SLC25A13: variants seen among roughly 807,000 people sequenced by gnomAD.
SLC25A13 encodes solute carrier family 25 member 13.
In SLC25A13, 70 loss-of-function variants were observed where a neutral mutation model predicts 85.5. That is an observed-to-expected ratio of 0.82 (90% CI 0.68 to 1.00). The LOEUF is 1.00. SLC25A13 is among the 50% of genes least tolerant of loss of function. The probability of loss-of-function intolerance (pLI) is 0.00; values close to 1 mark genes in which losing one functional copy is unlikely to be tolerated. For synonymous variants in SLC25A13, 259 were observed against 288.7 expected, an observed-to-expected ratio of 0.90 and a Z score of 1.04; for missense variants, 765 against 819.8, an observed-to-expected ratio of 0.93 and a Z score of 0.82.
chr7:96,257,840 A>G (rs1186308003), intron 3 of SLC25A13, among the ~76,000 whole-genome samples: 1 of 152,238 alleles, frequency 6.6e-6, no homozygotes, highest in African/African-American at 2.4e-5. Flanking sequence ...AACCAAATCC[A>G]GCTGCACATT....
At chr7:96,288,218 G>T (rs1015055365) in intron 2 of SLC25A13, among the ~76,000 whole-genome samples, 1 of 152,180 alleles carries the variant, frequency 6.6e-6, no homozygotes, top group African/African-American at 2.4e-5. Flanking sequence ...ATCACTTGAG[G>T]TCAGAAGTTC....
chr7:96,296,173 AATG>A (rs886144851), intron 2 of SLC25A13, among the ~76,000 whole-genome samples: 6 of 152,178 alleles, frequency 3.9e-5, no homozygotes, highest in African/African-American at 7.2e-5. Flanking sequence ...AAGTGATGAT[AATG>A]ATGATGACCA....
At chr7:96,177,189 G>A (rs767089548) in intron 11 of SLC25A13, among the ~76,000 whole-genome samples, 1 of 152,076 alleles carries the variant, frequency 6.6e-6, no homozygotes, top group African/African-American at 2.4e-5. Context: ...ATTAGCTAAG[G>A]AGTATCATGC....
At chr7:96,175,643 A>G (rs770907646) in intron 11 of SLC25A13, among the ~76,000 whole-genome samples, 2 of 152,202 alleles carry the variant, frequency 1.3e-5, no homozygotes, top group Admixed American at 1.3e-4. Flanking sequence ...ACGCTGCACA[A>G]CTTCTCTCCC....
chr7:96,218,164 AT>A (rs1362504480), intron 4 of SLC25A13, among the ~76,000 whole-genome samples: 4 of 152,164 alleles, frequency 2.6e-5, no homozygotes, highest in Non-Finnish European at 4.4e-5. Flanking sequence ...TACAAATACT[AT>A]TTTTTAAATG....
intron 1 of SLC25A13, among the ~76,000 whole-genome samples, chr7:96,317,173 G>A (rs1800160382): frequency 6.6e-6 from 1 of 151,940 alleles, no homozygotes; most frequent in South Asian, 2.1e-4. Flanking sequence ...GGCCAGACTG[G>A]CCAGGCTGGT....
chr7:96,125,185 C>A (rs892183475), intron 15 of SLC25A13, among the ~76,000 whole-genome samples: 3 of 152,082 alleles, frequency 2.0e-5, no homozygotes, highest in African/African-American at 7.2e-5. Context: ...GCCTCCCAGG[C>A]TCAAGTGATT....
At chr7:96,269,238 A>C (rs1037693762) in intron 3 of SLC25A13, among the ~76,000 whole-genome samples, 1 of 152,222 alleles carries the variant, frequency 6.6e-6, no homozygotes, top group Non-Finnish European at 1.5e-5. Flanking sequence ...TGGAAGGCTG[A>C]CCAATGTACC....
chr7:96,317,794 T>C (rs1359434725), intron 1 of SLC25A13, among the ~76,000 whole-genome samples: 1 of 134,480 alleles, frequency 7.4e-6, no homozygotes, highest in Non-Finnish European at 1.6e-5. Context: ...TTTATTATTT[T>C]ATTTTACTTT....
intron 13 of SLC25A13, among the ~76,000 whole-genome samples, chr7:96,164,747 A>ACACACAC (rs55828121): frequency 3.5e-5 from 3 of 85,062 alleles, no homozygotes; most frequent in African/African-American, 1.3e-4. Flanking sequence ...CACACACACA[A>ACACACAC]AAGAAGCAGC....
In SLC25A13 at chr7:96,131,772, C is replaced by G; in HGVS notation, c.1562G>C (p.Gly521Ala). The G allele has an allele frequency of 6.2e-7, 1 of 1,614,078 alleles. No homozygotes were observed. Among genetic ancestry groups the G allele is most frequent in the Non-Finnish European group, 8.5e-7 (1 of 1,180,008 alleles). Reference protein sequence around the residue: ...FANEDGQVSPGSLLLAGAIAG... With the variant: ...FANEDGQVSPASLLLAGAIAG... ...TATGGCACCAGCTAAGAGCAGGCTTCCTGGGCTAACCTGCCCATCTTCATT... is the reference window on the plus strand; with the variant it reads ...TATGGCACCAGCTAAGAGCAGGCTTGCTGGGCTAACCTGCCCATCTTCATT... The change falls in exon 15 of 18, where the codon GGA becomes GCA. Residue 521 changes from glycine to alanine, a missense_variant. Gly to Ala is a moderately conservative substitution (Grantham distance 60, BLOSUM62 0). Transcript: ENST00000265631.
chr7:96,234,747 A>G, intron 4 of SLC25A13, 55 bp downstream of exon 4: 1 of 1,360,382 alleles, frequency 7.4e-7, no homozygotes, highest in Non-Finnish European at 1.0e-6. Flanking sequence ...AAAAAAAAGA[A>G]AATGCTCACA....
At chr7:96,173,089 T>C (rs971458444) in intron 11 of SLC25A13, among the ~76,000 whole-genome samples, 2 of 152,194 alleles carry the variant, frequency 1.3e-5, no homozygotes, top group Admixed American at 6.5e-5. Flanking sequence ...TTTACTGATA[T>C]CGTCACAATT....
chr7:96,273,488 TG>T (rs1266685604), intron 3 of SLC25A13, among the ~76,000 whole-genome samples: 1 of 152,090 alleles, frequency 6.6e-6, no homozygotes, highest in Non-Finnish European at 1.5e-5. Context: ...AATAATAGCA[TG>T]GGGGGTTATG....
intron 1 of SLC25A13, 138 bp downstream of exon 1, chr7:96,321,804 C>T: frequency 8.7e-7 from 1 of 1,155,012 alleles, no homozygotes; most frequent in Non-Finnish European, 1.2e-6. Context: ...CCTCCAGCAG[C>T]CGCAAGGTGG....
At chr7:96,133,940 T>C (rs1792149751) in intron 14 of SLC25A13, among the ~76,000 whole-genome samples, 1 of 149,306 alleles carries the variant, frequency 6.7e-6, no homozygotes. Flanking sequence ...CATAAATAAA[T>C]AAAAAATAAA....
intron 5 of SLC25A13, among the ~76,000 whole-genome samples, chr7:96,198,612 C>T (rs1483908185): frequency 2.0e-5 from 3 of 152,208 alleles, no homozygotes; most frequent in African/African-American, 7.2e-5. Context: ...AGTCACACAA[C>T]TAAAAAGTGG....
At chr7:96,181,062 TAACAACAAC>T (rs374391427) in intron 11 of SLC25A13, among the ~76,000 whole-genome samples, 2 of 151,966 alleles carry the variant, frequency 1.3e-5, no homozygotes, top group African/African-American at 4.8e-5. Flanking sequence ...TTTTCAGAAA[TAACAACAAC>T]AACAACAACA....
intron 14 of SLC25A13, among the ~76,000 whole-genome samples, chr7:96,135,178 T>A (rs1792223437): frequency 6.6e-6 from 1 of 152,154 alleles, no homozygotes; most frequent in Non-Finnish European, 1.5e-5. Context: ...TGAAAGTCCT[T>A]GTAAGGTATC....
Sources: gnomAD v4.1 joint callset for allele counts (sites outside exome capture counted in the v4.1 genomes callset) on GRCh38, gnomAD v4.1.1 for gene constraint, MANE v1.5 for transcripts, NCBI Gene and HGNC (gene_info 2026-07-23, HGNC 2026-07-21) for gene names.